Variants in RAF1 observed in about 807,000 individuals in gnomAD.
The protein encoded by RAF1 is RAF proto-oncogene serine/threonine-protein kinase.
In RAF1, 27 loss-of-function variants were observed where a neutral mutation model predicts 81.1. The observed-to-expected ratio is 0.33, with a 90% CI of 0.25 to 0.46. RAF1 has a LOEUF of 0.46. Among genes scored for constraint, RAF1 ranks in the 20% least tolerant of loss-of-function variants. The probability of loss-of-function intolerance (pLI) is 1.00; values close to 1 mark genes in which losing one functional copy is unlikely to be tolerated. For synonymous variants in RAF1, 298 were observed against 294.0 expected (o/e 1.01, Z -0.14); for missense variants, 598 against 826.0 (o/e 0.72, Z 3.38).
intron 2 of RAF1, among the ~76,000 whole-genome samples, chr3:12,614,443 T>C (rs950459356): frequency 1.3e-5 from 2 of 152,012 alleles, no homozygotes; most frequent in Non-Finnish European, 2.9e-5. Context: ...ATCTATATTA[T>C]ATATACTGAG....
At chr3:12,662,022 T>C (rs1348788968) in intron 1 of RAF1, among the ~76,000 whole-genome samples, 4 of 151,472 alleles carry the variant, frequency 2.6e-5, no homozygotes, top group African/African-American at 9.7e-5. Context: ...CCCTCTCTAT[T>C]ATTTAAAAAA....
chr3:12,619,465 G>A (rs551906081), intron 1 of RAF1, among the ~76,000 whole-genome samples: 1 of 151,938 alleles, frequency 6.6e-6, no homozygotes, highest in Admixed American at 6.6e-5. Context: ...TAGGGAGGCT[G>A]AGGCAGGAGA....
chr3:12,604,663 T>A (rs1215661269), intron 6 of RAF1, among the ~76,000 whole-genome samples: 1 of 152,174 alleles, frequency 6.6e-6, no homozygotes, highest in African/African-American at 2.4e-5. Flanking sequence ...ACGCCCAGTT[T>A]AGAGACTAAA....
intron 1 of RAF1, among the ~76,000 whole-genome samples, chr3:12,660,997 G>A (rs932760871): frequency 1.3e-5 from 2 of 152,050 alleles, no homozygotes; most frequent in Non-Finnish European, 2.9e-5. Flanking sequence ...ACAGTAACAG[G>A]TTTATTTTTC....
intron 1 of RAF1, among the ~76,000 whole-genome samples, chr3:12,659,058 A>C (rs967850516): frequency 1.3e-5 from 2 of 152,204 alleles, no homozygotes; most frequent in Non-Finnish European, 2.9e-5. Context: ...TTGTAAAATT[A>C]AAGATCAAAC....
chr3:12,584,542 GTCAGCGTGCAAGCATTGATATCCT>G lies in RAF1; in HGVS notation c.1955_1978del (p.Glu652_Thr660delinsAla), dbSNP rs2058255431. The stretch of plus-strand genomic sequence containing the variant: ...GAAGACAGGCAGCCTCGGGGACGTG[GTCAGCGTGCAAGCATTGATATCCT>G]CAGTGTGGGCTGCCCGATGCAAGGA... On this transcript the variant is annotated inframe_deletion, in exon 18 of 18. Coordinates refer to ENST00000442415, the MANE Select transcript of RAF1 (RefSeq NM_001354689.3). 1.2e-6 allele frequency: 2 copies of G among 1,614,076 alleles called. No homozygotes were observed. Among genetic ancestry groups the G allele is most frequent in the Non-Finnish European group, 8.5e-7 (1 of 1,180,056 alleles).
rs770431112 is a variant in RAF1, at chr3:12,591,809, C to G, written c.1169-17G>C. The stretch of plus-strand genomic sequence containing the variant: ...CAACATCTCCTGCAAAATTAGTTGG[C>G]AGTCAGTGCAATCAGTTGAATGATC... On this transcript the variant is annotated splice_polypyrimidine_tract_variant and intron_variant, in intron 11 of 17. Coordinates refer to ENST00000442415, the MANE Select transcript of RAF1 (RefSeq NM_001354689.3). 17 of 1,583,324 alleles carry G rather than the reference C, an allele frequency of 1.1e-5. No individual in the cohort carries two copies. The highest frequency in any genetic ancestry group is 1.7e-6 in the Non-Finnish European group (2 of 1,151,956).
At chr3:12,646,487 C>T (rs1368579935) in intron 1 of RAF1, among the ~76,000 whole-genome samples, 1 of 152,110 alleles carries the variant, frequency 6.6e-6, no homozygotes, top group East Asian at 1.9e-4. Context: ...AATTCTCCTA[C>T]CTCATCCTCC....
chr3:12,593,080 G>A (rs2058570331), intron 11 of RAF1, among the ~76,000 whole-genome samples: 1 of 142,754 alleles, frequency 7.0e-6, no homozygotes, highest in South Asian at 2.1e-4. Flanking sequence ...CTCTCTGTTG[G>A]AGCCTTCCTC....
At chr3:12,604,326 G>C (rs191998453) in intron 6 of RAF1, 37 bp from the exon 7 acceptor site, 6 of 1,602,458 alleles carry the variant, frequency 3.7e-6, no homozygotes, top group Non-Finnish European at 5.1e-6. Flanking sequence ...TTGGCACTTA[G>C]GCTTTCATAC....
rs140424586 is a variant in RAF1 at position 12,602,740 on chromosome 3, A to G, written c.894+738T>C. Among the ~76,000 whole-genome samples, 657 of 152,328 alleles carry G rather than the reference A, an allele frequency of 4.3e-3. 7 individuals are homozygous for G. Among genetic ancestry groups the G allele is most frequent in the African/African-American group, 0.014 (602 of 41,580 alleles). On this transcript the variant is annotated intron_variant, in intron 8 of 17. Transcript: ENST00000442415. ...TAATCATAATGATAAAGTCAAAATAATAAAATTTATAGCTTATACATGATC... is the reference window on the plus strand; with the variant it reads ...TAATCATAATGATAAAGTCAAAATAGTAAAATTTATAGCTTATACATGATC...
intron 13 of RAF1, 72 bp from the exon 13 acceptor site, chr3:12,587,709 TAAG>T: frequency 7.6e-7 from 1 of 1,321,472 alleles, no homozygotes; most frequent in Non-Finnish European, 1.1e-6. Flanking sequence ...AAACTACAGC[TAAG>T]AAGTAAAGCC....
chr3:12,662,338 TAAAAAAAAAAAAAAAAAAA>T lies in RAF1; in HGVS notation c.-27+1456_-27+1474del, dbSNP rs61275660. The stretch of plus-strand genomic sequence containing the variant: ...GCGACAGAGTGAGATCCTGTTCCTT[TAAAAAAAAAAAAAAAAAAA>T]AAAAAAAAAAAAAAAGTTTGCATTG... On this transcript the variant is annotated intron_variant, in intron 1 of 17. Coordinates refer to ENST00000442415, the MANE Select transcript of RAF1 (RefSeq NM_001354689.3). Among the ~76,000 whole-genome samples the T allele has an allele frequency of 2.6e-3, 258 of 100,896 alleles. 3 individuals are homozygous for T. The highest frequency in any genetic ancestry group is 0.021 in the East Asian group (98 of 4,612). The allele number at this position is 100,896 out of a possible 152,430, so 66.2% of individuals were successfully genotyped here.
intron 1 of RAF1, among the ~76,000 whole-genome samples, chr3:12,635,318 CAAAAAAAAAAAAAAAAAA>C (rs71063852): frequency 0.02 from 561 of 27,628 alleles, 4 homozygotes; most frequent in Middle Eastern, 0.13. Context: ...GACCCTGTCT[CAAAAAAAAAAAAAAAAAA>C]AAAAAAAAAA....
chr3:12,586,852 T>G (rs767976282), intron 14 of RAF1: 1 of 152,220 alleles, frequency 6.6e-6, no homozygotes, highest in Non-Finnish European at 1.5e-5. Flanking sequence ...ATTTATTTTT[T>G]TGAGACACAG....
At chr3:12,621,521 T>C (rs2059555713) in intron 1 of RAF1, among the ~76,000 whole-genome samples, 1 of 152,228 alleles carries the variant, frequency 6.6e-6, no homozygotes, top group Non-Finnish European at 1.5e-5. Context: ...AACATGGAGT[T>C]ATTCTCATAC....
chr3:12,662,294 CCACTG>C (rs1284862564), intron 1 of RAF1, among the ~76,000 whole-genome samples: 1 of 137,404 alleles, frequency 7.3e-6, no homozygotes, highest in Non-Finnish European at 1.5e-5. Context: ...TATGATCATG[CCACTG>C]CACTCTAGCC....
intron 2 of RAF1, among the ~76,000 whole-genome samples, chr3:12,615,375 C>G (rs1270274336): frequency 6.6e-6 from 1 of 152,172 alleles, no homozygotes; most frequent in African/African-American, 2.4e-5. Flanking sequence ...GATACGCGTC[C>G]TCTGTCTCAT....
intron 11 of RAF1, among the ~76,000 whole-genome samples, chr3:12,593,029 C>G (rs551406720): frequency 6.6e-6 from 1 of 151,562 alleles, no homozygotes; most frequent in African/African-American, 2.4e-5. Context: ...TATGAGCCAC[C>G]GTGCCTGGCC....
Sources: gnomAD v4.1 joint callset for allele counts (sites outside exome capture counted in the v4.1 genomes callset) on GRCh38, gnomAD v4.1.1 for gene constraint, MANE v1.5 for transcripts, NCBI Gene and HGNC (gene_info 2026-07-23, HGNC 2026-07-21) for gene names.